Variants in PKNOX1 observed in about 807,000 individuals in gnomAD.
The protein encoded by PKNOX1 is homeobox protein PKNOX1.
A neutral mutation model predicts 51.9 loss-of-function variants in PKNOX1; 15 were observed. The observed-to-expected ratio is 0.29, with a 90% CI of 0.19 to 0.45. PKNOX1 has a LOEUF of 0.45. Among genes scored for constraint, PKNOX1 ranks in the 20% least tolerant of loss-of-function variants. The probability of loss-of-function intolerance (pLI) is 1.00; values close to 1 mark genes in which losing one functional copy is unlikely to be tolerated. For missense variants in PKNOX1, 462 were observed against 547.5 expected, an observed-to-expected ratio of 0.84 and a Z score of 1.56; for synonymous variants, 219 against 211.1, an observed-to-expected ratio of 1.04 and a Z score of -0.32.
Position 43,021,191 on chromosome 21 carries a change from C to G in PKNOX1, c.721-112C>G. 1.2e-6 allele frequency: 1 copy of G among 859,094 alleles called. No individual in the cohort carries two copies. The highest frequency in any genetic ancestry group is 1.8e-6 in the Non-Finnish European group (1 of 559,834). The allele number at this position is 859,094 out of a possible 1,614,324, so 53.2% of individuals were successfully genotyped here. The stretch of plus-strand genomic sequence containing the variant: ...CAGGGTTCCCGTGCATGGGCCTCGA[C>G]TACAATCATTTCCCTGTCCGATCCT... On this transcript the variant is annotated intron_variant, in intron 7 of 10. Transcript: ENST00000291547. The surrounding 1 kb of genome is among the most constrained non-coding windows in gnomAD (Gnocchi z 4.6).
In PKNOX1 at chr21:43,019,779, C is replaced by T. The variant is rs144475817; in HGVS notation, c.721-1524C>T. 4.9e-4 allele frequency among the ~76,000 whole-genome samples: 74 copies of T among 152,100 alleles called. 1 individual carries two copies. The East Asian group carries it at 0.012, about 26-fold the overall frequency. ...CTGGTCTCGAAATCCTGGGCTCAAG[C>T]AGTCCGCCTGCCTCGGCCTCCCAAA... On this transcript the variant is annotated intron_variant, in intron 7 of 10. Transcript: ENST00000291547.
At chr21:43,020,707 C>T (rs1183356244) in intron 7 of PKNOX1, among the ~76,000 whole-genome samples, 1 of 152,176 alleles carries the variant, frequency 6.6e-6, no homozygotes, top group Non-Finnish European at 1.5e-5. Context: ...TCTGGTGTCC[C>T]TGTTCATTCT....
chr21:42,999,269 C>T (rs934609010), intron 1 of PKNOX1, among the ~76,000 whole-genome samples: 2 of 152,226 alleles, frequency 1.3e-5, no homozygotes, highest in African/African-American at 4.8e-5. Context: ...AGTCCCTATG[C>T]TGCACACAGA....
intron 1 of PKNOX1, among the ~76,000 whole-genome samples, chr21:42,990,444 C>G (rs2059080947): frequency 6.6e-6 from 1 of 152,086 alleles, no homozygotes; most frequent in Non-Finnish European, 1.5e-5. Flanking sequence ...CTAAGGAAGG[C>G]AGATGAAGAC....
chr21:43,007,115 C>T (rs1289319039), intron 2 of PKNOX1, among the ~76,000 whole-genome samples: 1 of 152,168 alleles, frequency 6.6e-6, no homozygotes, highest in East Asian at 1.9e-4. Flanking sequence ...GTGTCTGTGA[C>T]ATGGTAAGAA....
At chr21:43,009,314 G>T (rs1979137506) in intron 3 of PKNOX1, among the ~76,000 whole-genome samples, 1 of 152,142 alleles carries the variant, frequency 6.6e-6, no homozygotes, top group Non-Finnish European at 1.5e-5. Flanking sequence ...TCATGGTGGT[G>T]CATGCCTGTA....
chr21:42,980,382 G>GAAA (rs35636396), intron 1 of PKNOX1, among the ~76,000 whole-genome samples: 1 of 151,066 alleles, frequency 6.6e-6, no homozygotes, highest in Non-Finnish European at 1.5e-5. Flanking sequence ...CGAAAAAAGA[G>GAAA]AAAAAAAAAT....
intron 8 of PKNOX1, chr21:43,024,587 AGCTGC>A: frequency 2.2e-5 from 8 of 361,094 alleles, no homozygotes; most frequent in South Asian, 1.4e-4. Flanking sequence ...TGGACTGCAT[AGCTGC>A]TCCTCATGAT....
intron 1 of PKNOX1, among the ~76,000 whole-genome samples, chr21:42,991,688 C>T (rs376755326): frequency 3.3e-5 from 5 of 151,336 alleles, no homozygotes. Flanking sequence ...GAGCCAAGAT[C>T]GTGCCACTGC....
At chr21:43,013,452 A>C (rs1159350397) in intron 5 of PKNOX1, among the ~76,000 whole-genome samples, 1 of 152,208 alleles carries the variant, frequency 6.6e-6, no homozygotes, top group Non-Finnish European at 1.5e-5. Flanking sequence ...CCCCGGTCCC[A>C]TGTTTATGGA....
rs960556215 is a variant in PKNOX1, at chr21:43,013,125, G to A, written c.409G>A (p.Glu137Lys). The A allele has an allele frequency of 2.5e-6, 4 of 1,613,582 alleles. No homozygotes were observed. Among genetic ancestry groups the A allele is most frequent in the African/African-American group, 2.7e-5 (2 of 74,886 alleles). Reference sequence around the variant, plus strand: ...TCTTCTTGAGCTGGAAAAGGTTAACGAACTCTGCAAAGATTTCTGCAGTCG... The same window carrying A: ...TCTTCTTGAGCTGGAAAAGGTTAACAAACTCTGCAAAGATTTCTGCAGTCG... ...IHLLELEKVN[E>K]LCKDFCSRYI... The change falls in exon 5 of 11, where the codon GAA becomes AAA. Residue 137 changes from glutamate to lysine, a missense_variant. This residue lies in a region of PKNOX1 where 14 missense variants were observed against 39.3 expected (regional missense o/e 0.36). Transcript: ENST00000291547.
At chr21:42,997,289 G>T (rs933467158) in intron 1 of PKNOX1, among the ~76,000 whole-genome samples, 1 of 152,184 alleles carries the variant, frequency 6.6e-6, no homozygotes, top group Admixed American at 6.5e-5. Flanking sequence ...AGTGCTATGC[G>T]TCAGCAGACG....
chr21:42,976,221 A>G (rs1442049823), intron 1 of PKNOX1, among the ~76,000 whole-genome samples: 1 of 140,914 alleles, frequency 7.1e-6, no homozygotes, highest in Non-Finnish European at 1.6e-5. Flanking sequence ...TATACTACTT[A>G]AAGTGTGCAA....
At chr21:42,987,619 T>C (rs1429546385) in intron 1 of PKNOX1, among the ~76,000 whole-genome samples, 1 of 9,626 alleles carries the variant, frequency 1.0e-4, no homozygotes. Flanking sequence ...TGGTTTCTAC[T>C]TTTTTTTTTT....
chr21:43,020,428 G>A (rs948644335), intron 7 of PKNOX1: 2 of 152,244 alleles, frequency 1.3e-5, no homozygotes, highest in African/African-American at 4.8e-5. Context: ...GCCTTGTAAC[G>A]AGCAGATCTT....
intron 6 of PKNOX1, 127 bp downstream of exon 6, chr21:43,017,134 T>G (rs980147478): frequency 2.1e-5 from 12 of 562,688 alleles, no homozygotes; most frequent in Non-Finnish European, 3.8e-5. Flanking sequence ...TGTTAGAAGC[T>G]AGAGGTCTCT....
Position 43,017,038 on chromosome 21 carries a change from C to T in PKNOX1, c.622+31C>T, listed in dbSNP as rs773297254. 5.5e-5 allele frequency: 80 copies of T among 1,456,802 alleles called. 1 individual carries two copies. The South Asian group carries it at 5.6e-4, about 10-fold the overall frequency. 90.2% of individuals were successfully genotyped at this position (1,456,802 alleles called of 1,614,324 possible). A position where few individuals can be genotyped will look rare whatever the true frequency, so the allele number is the denominator to read the frequency against. Reference sequence around the variant, plus strand: ...ATGACAGAAAAATGGACACACTCTCCATGAGTTTTTGCAGAAAATGGTCCT... The same window carrying T: ...ATGACAGAAAAATGGACACACTCTCTATGAGTTTTTGCAGAAAATGGTCCT... On this transcript the variant is annotated intron_variant, in intron 6 of 10. Coordinates refer to ENST00000291547, the MANE Select transcript of PKNOX1 (RefSeq NM_004571.5).
intron 1 of PKNOX1, among the ~76,000 whole-genome samples, chr21:42,991,267 G>A (rs186999438): frequency 2.2e-4 from 33 of 151,536 alleles, no homozygotes; most frequent in Non-Finnish European, 3.7e-4. Context: ...TGGGAGGATC[G>A]CTTGAAGCCA....
chr21:42,979,568 C>T (rs2059016262), intron 1 of PKNOX1, among the ~76,000 whole-genome samples: 1 of 152,090 alleles, frequency 6.6e-6, no homozygotes, highest in South Asian at 2.1e-4. Flanking sequence ...CTGTGAAACC[C>T]CGTCTCTACT....
Sources: allele counts gnomAD v4.1 joint callset (sites outside exome capture counted in the v4.1 genomes callset), GRCh38; gene constraint gnomAD v4.1.1; regional missense constraint gnomAD v4.1.1; non-coding constraint Gnocchi (gnomAD v3.1); transcripts MANE v1.5; gene names NCBI Gene and HGNC (gene_info 2026-07-23, HGNC 2026-07-21).